The following POU6F2 variants were observed in gnomAD, a reference collection of about 807,000 sequenced individuals.
The protein encoded by POU6F2 is POU domain, class 6, transcription factor 2.
In POU6F2, 31 loss-of-function variants were observed where a neutral mutation model predicts 71.3. The observed-to-expected ratio is 0.43, with a 90% CI of 0.33 to 0.59. The LOEUF (loss-of-function observed/expected upper bound fraction) is 0.59. Ranked by LOEUF, POU6F2 falls within the 20% of genes least tolerant of loss-of-function variation. The pLI is 0.04. For synonymous variants in POU6F2, 347 were observed against 355.7 expected (o/e 0.98, Z 0.27); for missense variants, 783 against 856.8 (o/e 0.91, Z 1.07).
intron 1 of POU6F2, among the ~76,000 whole-genome samples, chr7:39,014,483 TTCTC>T (rs1229950920): frequency 6.6e-6 from 1 of 152,214 alleles, no homozygotes; most frequent in Non-Finnish European, 1.5e-5. Flanking sequence ...TGTTAAATCT[TTCTC>T]CTACGCCTTG....
intron 1 of POU6F2, among the ~76,000 whole-genome samples, chr7:39,085,521 C>T (rs1420850502): frequency 6.6e-6 from 1 of 151,796 alleles, no homozygotes; most frequent in African/African-American, 2.4e-5. Context: ...TAAAAACATT[C>T]GCACAAAAGC....
At chr7:39,180,940 A>G (rs1448419014) in intron 2 of POU6F2, among the ~76,000 whole-genome samples, 1 of 152,070 alleles carries the variant, frequency 6.6e-6, no homozygotes, top group Non-Finnish European at 1.5e-5. Context: ...TTTAAATAAT[A>G]CTAACGTCTA....
intron 1 of POU6F2, among the ~76,000 whole-genome samples, chr7:39,005,426 G>A (rs1307221643): frequency 1.3e-5 from 2 of 150,826 alleles, no homozygotes; most frequent in Non-Finnish European, 3.0e-5. Context: ...GTAGGAAAAC[G>A]GAGGCTTTTG....
At chr7:39,201,086 C>A (rs1055404101) in intron 2 of POU6F2, among the ~76,000 whole-genome samples, 11 of 152,056 alleles carry the variant, frequency 7.2e-5, no homozygotes, top group African/African-American at 2.2e-4. Context: ...AGAGAAATAG[C>A]ACTTATATGG....
rs538606295 is a variant in POU6F2, at chr7:39,282,856, A to G, written c.599-56786A>G. 3.3e-5 allele frequency among the ~76,000 whole-genome samples: 5 copies of G among 152,252 alleles called. No homozygotes were observed. The South Asian group carries it at 6.2e-4, about 19-fold the overall frequency. On this transcript the variant is annotated intron_variant, in intron 4 of 9. Coordinates refer to ENST00000518318, the MANE Select transcript of POU6F2 (RefSeq NM_001370959.1). ...TTTTAATAGGGATTGCATTGAATCT[A>G]TAGATCACTTGGGTAGTATGAACAT...
intron 2 of POU6F2, among the ~76,000 whole-genome samples, chr7:39,182,837 G>A (rs1206204777): frequency 1.3e-5 from 2 of 152,062 alleles, no homozygotes; most frequent in Non-Finnish European, 2.9e-5. Context: ...AGCATCTTGT[G>A]GTATCAACAT....
chr7:39,458,693 C>A (rs1788865372), intron 8 of POU6F2, among the ~76,000 whole-genome samples: 1 of 152,126 alleles, frequency 6.6e-6, no homozygotes, highest in South Asian at 2.1e-4. Context: ...TCTTAACAGT[C>A]AAACCAATTT....
At chr7:39,221,953 T>C (rs1316772925) in intron 4 of POU6F2, among the ~76,000 whole-genome samples, 1 of 152,198 alleles carries the variant, frequency 6.6e-6, no homozygotes, top group Non-Finnish European at 1.5e-5. Context: ...TCTATATCCT[T>C]AATAAATTAA....
intron 5 of POU6F2, among the ~76,000 whole-genome samples, chr7:39,394,889 C>T (rs114597275): frequency 0.01 from 1,534 of 152,268 alleles, 17 homozygotes; most frequent in African/African-American, 0.036. Context: ...TTATCTGTCT[C>T]TCCGATACTC....
chr7:39,343,842 A>G (rs1043670459), intron 5 of POU6F2, among the ~76,000 whole-genome samples: 18 of 152,128 alleles, frequency 1.2e-4, no homozygotes, highest in African/African-American at 4.3e-4. Context: ...CTGGAATTTT[A>G]TTGGCTATTG....
At chr7:39,290,175 G>A (rs985799861) in intron 4 of POU6F2, among the ~76,000 whole-genome samples, 1 of 152,086 alleles carries the variant, frequency 6.6e-6, no homozygotes, top group Non-Finnish European at 1.5e-5. Context: ...ATTTTGGGTT[G>A]GACAACATCC....
intron 4 of POU6F2, among the ~76,000 whole-genome samples, chr7:39,298,938 T>C (rs547728276): frequency 2.5e-4 from 38 of 151,972 alleles, no homozygotes; most frequent in Non-Finnish European, 4.6e-4. Flanking sequence ...TTCTCACTTG[T>C]AAGTGGGAGT....
intron 4 of POU6F2, among the ~76,000 whole-genome samples, chr7:39,261,602 G>A (rs1784140644): frequency 2.0e-5 from 3 of 152,094 alleles, no homozygotes; most frequent in Admixed American, 6.5e-5. Context: ...GAATGTTTAC[G>A]TGCCTTGTTC....
chr7:39,171,783 T>G (rs1793223006), intron 2 of POU6F2, among the ~76,000 whole-genome samples: 1 of 152,184 alleles, frequency 6.6e-6, no homozygotes, highest in South Asian at 2.1e-4. Flanking sequence ...CCACTCAATC[T>G]GCTCTTTGAA....
chr7:39,454,148 C>T (rs961106851), intron 8 of POU6F2, among the ~76,000 whole-genome samples: 3 of 152,092 alleles, frequency 2.0e-5, no homozygotes, highest in Non-Finnish European at 4.4e-5. Flanking sequence ...ATAAAGAATA[C>T]AGATGAACAG....
chr7:38,999,584 A>C (rs1187378524), intron 1 of POU6F2, among the ~76,000 whole-genome samples: 2 of 152,172 alleles, frequency 1.3e-5, no homozygotes, highest in African/African-American at 4.8e-5. Context: ...CACCTAAAAT[A>C]AGCCCTTGCT....
intron 1 of POU6F2, among the ~76,000 whole-genome samples, chr7:39,029,495 G>T (rs1049785307): frequency 4.6e-5 from 7 of 151,220 alleles, no homozygotes; most frequent in Non-Finnish European, 7.4e-5. Flanking sequence ...TTTCTGGGAG[G>T]GGGGGGTGGA....
chr7:39,143,216 A>G (rs1344201003), intron 2 of POU6F2, among the ~76,000 whole-genome samples: 1 of 152,230 alleles, frequency 6.6e-6, no homozygotes, highest in African/African-American at 2.4e-5. Context: ...GTTTAGCATC[A>G]AAAGAGGCTG....
At chr7:39,114,849 A>AT (rs1415427895) in intron 2 of POU6F2, among the ~76,000 whole-genome samples, 7 of 152,328 alleles carry the variant, frequency 4.6e-5, no homozygotes, top group Non-Finnish European at 8.8e-5. Flanking sequence ...AAGATGCATA[A>AT]TATTAGTTAC....
Sources: gnomAD v4.1 joint callset for allele counts (sites outside exome capture counted in the v4.1 genomes callset) on GRCh38, gnomAD v4.1.1 for gene constraint, MANE v1.5 for transcripts, NCBI Gene and HGNC (gene_info 2026-07-23, HGNC 2026-07-21) for gene names.